Variants in GRIA4 observed in about 807,000 individuals in gnomAD.
GRIA4 encodes glutamate ionotropic receptor AMPA type subunit 4.
GRIA4 carries 34 observed loss-of-function variants against 104.0 expected under a neutral mutation model. The observed-to-expected ratio is 0.33, with a 90% CI of 0.25 to 0.44. The LOEUF (loss-of-function observed/expected upper bound fraction) is 0.44, where lower values mean the gene tolerates loss of function less well. Among genes scored for constraint, GRIA4 ranks in the 20% least tolerant of loss-of-function variants. The pLI is 1.00. For missense variants in GRIA4, 750 were observed against 1,096.5 expected (o/e 0.68, Z 4.46); for synonymous variants, 386 against 381.9 (o/e 1.01, Z -0.13).
chr11:105,900,091 G>T (rs960668878), intron 7 of GRIA4, among the ~76,000 whole-genome samples: 2 of 152,118 alleles, frequency 1.3e-5, no homozygotes, highest in South Asian at 4.1e-4. Flanking sequence ...CTGGGACCTT[G>T]TGTGTTGGGT....
chr11:105,944,083 C>A (rs933950935), intron 14 of GRIA4, among the ~76,000 whole-genome samples: 1 of 152,094 alleles, frequency 6.6e-6, no homozygotes, highest in Admixed American at 6.6e-5. Flanking sequence ...TTAAAGTTCA[C>A]AGGATAAATC....
intron 4 of GRIA4, among the ~76,000 whole-genome samples, chr11:105,856,322 T>C (rs956056955): frequency 1.3e-5 from 2 of 152,190 alleles, no homozygotes; most frequent in Admixed American, 1.3e-4. Flanking sequence ...AAAGCTCTTG[T>C]AATATATCCC....
chr11:105,868,566 G>A (rs1216238444), intron 5 of GRIA4, among the ~76,000 whole-genome samples: 2 of 152,150 alleles, frequency 1.3e-5, no homozygotes, highest in Admixed American at 6.6e-5. Context: ...CATTTTGTAC[G>A]TGTTTAAGGG....
Position 105,924,653 on chromosome 11 carries a change from G to C in GRIA4, c.1731G>C (p.Glu577Asp). 6.2e-7 allele frequency: 1 copy of C among 1,613,114 alleles called. No individual in the cohort carries two copies. The highest frequency in any genetic ancestry group is 1.7e-4 in the Middle Eastern group (1 of 6,054). Residue 577 changes from glutamate (E) to aspartate (D), a missense_variant, in exon 12 of 17, where the codon GAG becomes GAC. This residue lies in a region of GRIA4 where 272 missense variants were observed against 524.5 expected (regional missense o/e 0.52). Transcript: ENST00000282499. ...RFSPYEWHTE[E>D]PEDGKEGPSD... Reference sequence around the variant, plus strand: ...GTCCATATGAGTGGCACACAGAAGAGCCAGAGGACGGAAAGGAAGGACCCA... The same window carrying C: ...GTCCATATGAGTGGCACACAGAAGACCCAGAGGACGGAAAGGAAGGACCCA...
chr11:105,838,237 T>G (rs896465408), intron 4 of GRIA4, among the ~76,000 whole-genome samples: 1 of 152,214 alleles, frequency 6.6e-6, no homozygotes, highest in Non-Finnish European at 1.5e-5. Flanking sequence ...AAATTCCATG[T>G]CTGCAAATTA....
chr11:105,686,094 A>G (rs1952872835), intron 3 of GRIA4, among the ~76,000 whole-genome samples: 1 of 152,150 alleles, frequency 6.6e-6, no homozygotes, highest in Admixed American at 6.6e-5. Context: ...TTTTAGATTC[A>G]GGAGGTACAT....
At chr11:105,910,306 C>A in intron 9 of GRIA4, 129 bp from the exon 10 acceptor site, 2 of 564,500 alleles carry the variant, frequency 3.5e-6, no homozygotes, top group Non-Finnish European at 3.2e-6. Flanking sequence ...TTTTTTTTTT[C>A]TGTTGGCTTT....
chr11:105,928,749 G>T (rs1392836095), intron 13 of GRIA4, among the ~76,000 whole-genome samples: 2 of 151,984 alleles, frequency 1.3e-5, no homozygotes, highest in Non-Finnish European at 2.9e-5. Flanking sequence ...TTGATTCTGT[G>T]AAAATATTTC....
intron 3 of GRIA4, among the ~76,000 whole-genome samples, chr11:105,639,118 A>G (rs1180404146): frequency 6.6e-6 from 1 of 152,156 alleles, no homozygotes; most frequent in Non-Finnish European, 1.5e-5. Flanking sequence ...GGGAATACTT[A>G]CTTAATCACA....
intron 4 of GRIA4, among the ~76,000 whole-genome samples, chr11:105,835,429 T>C (rs968123681): frequency 6.6e-6 from 1 of 152,088 alleles, no homozygotes; most frequent in African/African-American, 2.4e-5. Flanking sequence ...ACCATGGTTT[T>C]CTTTCTTAGC....
At chr11:105,839,684 G>A (rs1397790658) in intron 4 of GRIA4, among the ~76,000 whole-genome samples, 11 of 150,424 alleles carry the variant, frequency 7.3e-5, no homozygotes, top group African/African-American at 2.7e-4. Flanking sequence ...CCCCAGCCTG[G>A]GCAACAGAGC....
intron 3 of GRIA4, among the ~76,000 whole-genome samples, chr11:105,730,691 T>C (rs1279381193): frequency 6.6e-6 from 1 of 152,024 alleles, no homozygotes; most frequent in Admixed American, 6.6e-5. Flanking sequence ...TATAGACCAA[T>C]GGAACAGAAC....
rs763114083 is a variant in GRIA4 at position 105,910,404 on chromosome 11, T to C, written c.1159-31T>C. Reference sequence around the variant, plus strand: ...AGAACTAGAGTAAATGCTTCTAAAATATGTTTTCAAGCATGTTCTCTATTT... The same window carrying C: ...AGAACTAGAGTAAATGCTTCTAAAACATGTTTTCAAGCATGTTCTCTATTT... On this transcript the variant is annotated intron_variant, in intron 9 of 16. Coordinates refer to ENST00000282499, the MANE Select transcript of GRIA4 (RefSeq NM_000829.4). The C allele has an allele frequency of 1.4e-5, 15 of 1,044,066 alleles. No homozygotes were observed. In the South Asian group the frequency reaches 1.5e-4, roughly 11 times the overall value. The allele number at this position is 1,044,066 out of a possible 1,614,324, so 64.7% of individuals were successfully genotyped here. A position where few individuals can be genotyped will look rare whatever the true frequency, so the allele number is the denominator to read the frequency against.
chr11:105,848,564 T>C (rs1168362111), intron 4 of GRIA4, among the ~76,000 whole-genome samples: 1 of 152,180 alleles, frequency 6.6e-6, no homozygotes, highest in Non-Finnish European at 1.5e-5. Context: ...AGAAAATTAA[T>C]ACCTATGCAT....
intron 4 of GRIA4, among the ~76,000 whole-genome samples, chr11:105,789,465 C>G (rs561134280): frequency 1.3e-5 from 2 of 152,234 alleles, no homozygotes; most frequent in East Asian, 1.9e-4. Flanking sequence ...GTATGCCAAG[C>G]AAAATGCATA....
chr11:105,979,216 T>G (rs1485618835), intron 16 of GRIA4, among the ~76,000 whole-genome samples: 1 of 152,238 alleles, frequency 6.6e-6, no homozygotes, highest in African/African-American at 2.4e-5. Context: ...AAGGAAATAC[T>G]ATTTAAAGAA....
chr11:105,959,082 T>C (rs1157222670), intron 14 of GRIA4, among the ~76,000 whole-genome samples: 1 of 152,208 alleles, frequency 6.6e-6, no homozygotes, highest in Non-Finnish European at 1.5e-5. Flanking sequence ...CTGATGATTA[T>C]GTGTCTTGGG....
At chr11:105,817,272 A>C (rs1475501991) in intron 4 of GRIA4, among the ~76,000 whole-genome samples, 3 of 150,950 alleles carry the variant, frequency 2.0e-5, no homozygotes, top group African/African-American at 7.3e-5. Flanking sequence ...GAATTATCAC[A>C]AAAGCAACAT....
chr11:105,835,015 T>C (rs1431093410), intron 4 of GRIA4, among the ~76,000 whole-genome samples: 1 of 152,084 alleles, frequency 6.6e-6, no homozygotes, highest in African/African-American at 2.4e-5. Context: ...TATTTTGTTA[T>C]AAATACAAAG....
Sources: gnomAD v4.1 joint callset for allele counts (sites outside exome capture counted in the v4.1 genomes callset) on GRCh38, gnomAD v4.1.1 for gene constraint, gnomAD v4.1.1 regional missense constraint, MANE v1.5 for transcripts, NCBI Gene and HGNC (gene_info 2026-07-23, HGNC 2026-07-21) for gene names.